SEC14L5: variants seen among roughly 807,000 people sequenced by gnomAD.
SEC14L5 encodes the protein SEC14 like lipid binding 5, also known as SEC14-like protein 5.
Under a neutral mutation model 84.6 loss-of-function variants are expected in SEC14L5, and 96 were observed. The ratio of observed to expected loss-of-function variants is 1.13; its 90% CI spans 0.96 to 1.34. The LOEUF is 1.34. SEC14L5 is among the 40% of genes most tolerant of loss of function. The probability of loss-of-function intolerance (pLI) is 0.00; values close to 1 mark genes in which losing one functional copy is unlikely to be tolerated. For synonymous variants in SEC14L5, 546 were observed against 383.4 expected, an observed-to-expected ratio of 1.42 and a Z score of -4.95; for missense variants, 1,224 against 942.5, an observed-to-expected ratio of 1.30 and a Z score of -3.91.
rs1459787827 is a variant in SEC14L5 at position 4,967,576 on chromosome 16, T to G, written c.63+8190T>G. Among the ~76,000 whole-genome samples, 16 of 133,066 alleles carry G rather than the reference T, an allele frequency of 1.2e-4. No individual in the cohort carries two copies. The Admixed American group carries it at 1.2e-3, about 10-fold the overall frequency. 87.3% of individuals were successfully genotyped at this position (133,066 alleles called of 152,430 possible). On this transcript the variant is annotated intron_variant, in intron 2 of 15. Transcript: ENST00000251170. ...TTCTTTCTTTCGTTTTTTTTTTTTT[T>G]TTTTTTTTTTTTTTTTGACAGAGTG...
intron 2 of SEC14L5, 55 bp downstream of exon 2, chr16:4,959,441 C>G (rs1198981568): frequency 3.5e-6 from 5 of 1,439,882 alleles, no homozygotes; most frequent in Non-Finnish European, 4.9e-6. Context: ...GGCTTGAGAT[C>G]AGCTATGGCG....
chr16:4,966,267 CTTTTTTTTTT>C (rs1019686741), intron 2 of SEC14L5, among the ~76,000 whole-genome samples: 2 of 78,790 alleles, frequency 2.5e-5, no homozygotes, highest in Non-Finnish European at 4.9e-5. Flanking sequence ...CGCCCGGCCT[CTTTTTTTTTT>C]TTTTTTTTTT....
At chr16:4,984,068 T>A (rs1440505358) in intron 2 of SEC14L5, among the ~76,000 whole-genome samples, 2 of 152,146 alleles carry the variant, frequency 1.3e-5, no homozygotes, top group Non-Finnish European at 2.9e-5. Context: ...CATAATTCAG[T>A]GGCTTTCAGT....
At chr16:4,992,181 A>G (rs1237974722) in intron 6 of SEC14L5, among the ~76,000 whole-genome samples, 151 bp downstream of exon 6, 1 of 152,186 alleles carries the variant, frequency 6.6e-6, no homozygotes, top group East Asian at 1.9e-4. Flanking sequence ...TCCTGCCTCC[A>G]CTGAGTGCTT....
intron 2 of SEC14L5, among the ~76,000 whole-genome samples, chr16:4,968,164 T>A (rs1955230144): frequency 1.3e-5 from 2 of 150,904 alleles, no homozygotes; most frequent in Non-Finnish European, 3.0e-5. Flanking sequence ...AGACCACAGG[T>A]GTTCACCACC....
At chr16:5,005,327 A>G (rs1042796323) in intron 11 of SEC14L5, among the ~76,000 whole-genome samples, 1 of 151,822 alleles carries the variant, frequency 6.6e-6, no homozygotes, top group Non-Finnish European at 1.5e-5. Flanking sequence ...AAACAAAAAC[A>G]AAAAAGAAAC....
intron 15 of SEC14L5, among the ~76,000 whole-genome samples, chr16:5,012,104 C>CA (rs1234106177): frequency 6.6e-6 from 1 of 152,162 alleles, no homozygotes; most frequent in East Asian, 1.9e-4. Context: ...GGAGCATGGG[C>CA]ACCCAGAGTG....
intron 5 of SEC14L5, 61 bp from the exon 6 acceptor site, chr16:4,991,776 AT>A: frequency 1.7e-6 from 2 of 1,179,238 alleles, no homozygotes; most frequent in Middle Eastern, 2.0e-4. Context: ...CCCTGTGGTG[AT>A]CCTGTGACCC....
rs761554508 is a variant in SEC14L5, at chr16:5,011,290, G to T, written c.1979+17G>T. 1.0e-5 allele frequency: 16 copies of T among 1,607,278 alleles called. No individual in the cohort carries two copies. The South Asian group carries it at 1.3e-4, about 13-fold the overall frequency. On this transcript the variant is annotated intron_variant, in intron 15 of 15. Coordinates refer to ENST00000251170, the MANE Select transcript of SEC14L5 (RefSeq NM_014692.2). ...GGACTTCAGGTAGGAGGGCTCCGGA[G>T]CGGGGTCCTGGGCAGGAAGGACCCT...
chr16:5,014,946 T>C lies in SEC14L5; in HGVS notation c.2067T>C (p.His689=), dbSNP rs1207401187. Reference sequence around the variant, plus strand: ...CGTCCTCCTCCTCCGGCCAGTCTCATAGCAGCTCCCTGGTCTCCAGATAGC... The same window carrying C: ...CGTCCTCCTCCTCCGGCCAGTCTCACAGCAGCTCCCTGGTCTCCAGATAGC... ...ATSSSSSGQS[H]SSSLVSR Residue 689 remains histidine, a synonymous_variant, in exon 16 of 16, where the codon CAT becomes CAC. Coordinates refer to ENST00000251170, the MANE Select transcript of SEC14L5 (RefSeq NM_014692.2). 6.2e-7 allele frequency: 1 copy of C among 1,611,960 alleles called. No homozygotes were observed. The highest frequency in any genetic ancestry group is 8.5e-7 in the Non-Finnish European group (1 of 1,179,810).
At chr16:4,966,994 G>C (rs1955208374) in intron 2 of SEC14L5, among the ~76,000 whole-genome samples, 1 of 152,230 alleles carries the variant, frequency 6.6e-6, no homozygotes, top group Non-Finnish European at 1.5e-5. Flanking sequence ...CCAGCTCAGA[G>C]GCAGGTCCAT....
chr16:4,999,776 G>A lies in SEC14L5; in HGVS notation c.971-879G>A, dbSNP rs371423163. On this transcript the variant is annotated intron_variant, in intron 8 of 15. Coordinates refer to ENST00000251170, the MANE Select transcript of SEC14L5 (RefSeq NM_014692.2). ...TAAAAATACCAAAAATTAGCCAAGC[G>A]TGGTGGTGCATGCCGGTAGTCCCAG... is the stretch of plus-strand genomic sequence containing the variant. Among the ~76,000 whole-genome samples, 12 of 151,170 alleles carry A rather than the reference G, an allele frequency of 7.9e-5. No individual in the cohort carries two copies. The East Asian group carries it at 1.6e-3, about 20-fold the overall frequency.
chr16:4,972,633 A>C (rs533782064), intron 2 of SEC14L5, among the ~76,000 whole-genome samples: 1 of 152,354 alleles, frequency 6.6e-6, no homozygotes, highest in African/African-American at 2.4e-5. Context: ...AATGTCTTCC[A>C]GGTTCAGCCG....
At chr16:5,004,011 C>G (rs537869948) in intron 11 of SEC14L5, among the ~76,000 whole-genome samples, 68 of 152,400 alleles carry the variant, frequency 4.5e-4, no homozygotes, top group African/African-American at 1.6e-3. Context: ...CCCACACACA[C>G]ACTCCTCTGA....
chr16:5,011,388 C>T (rs1955801828), intron 15 of SEC14L5, 115 bp downstream of exon 15: 1 of 1,053,930 alleles, frequency 9.5e-7, no homozygotes, highest in Non-Finnish European at 1.4e-6. Flanking sequence ...GGTGGGACCC[C>T]AGCATGGGTA....
chr16:4,973,907 C>T (rs1955308541), intron 2 of SEC14L5, among the ~76,000 whole-genome samples: 1 of 152,010 alleles, frequency 6.6e-6, no homozygotes, highest in Non-Finnish European at 1.5e-5. Context: ...TGGTCTTGAA[C>T]TCCTCACCTC....
chr16:4,959,341 G>A lies in SEC14L5; in HGVS notation c.18G>A (p.Gln6=). 1 of 1,613,854 alleles carries A rather than the reference G, an allele frequency of 6.2e-7. No homozygotes were observed. The highest frequency in any genetic ancestry group is 8.5e-7 in the Non-Finnish European group (1 of 1,179,776). The change falls in exon 2 of 16, where the codon CAG becomes CAA. Residue 6 remains glutamine, a synonymous_variant. Coordinates refer to ENST00000251170, the MANE Select transcript of SEC14L5 (RefSeq NM_014692.2). The part of the protein sequence containing the change: MVQRY[Q]SPVRVYKYPF... Reference sequence around the variant, plus strand: ...GCGTGAACATGGTGCAAAGATACCAGTCTCCTGTCCGAGTCTACAAGTACC... The same window carrying A: ...GCGTGAACATGGTGCAAAGATACCAATCTCCTGTCCGAGTCTACAAGTACC...
At chr16:5,000,951 C>A (rs560280980) in intron 10 of SEC14L5, 26 bp downstream of exon 10, 4 of 1,568,782 alleles carry the variant, frequency 2.5e-6, no homozygotes, top group East Asian at 4.6e-5. Context: ...GGGCACAAAT[C>A]CCCCCTAAAC....
intron 14 of SEC14L5, among the ~76,000 whole-genome samples, chr16:5,008,947 C>T (rs183130440): frequency 6.6e-6 from 1 of 152,340 alleles, no homozygotes. Context: ...AATGGGACTT[C>T]TAACAGGATC....
Sources: allele counts gnomAD v4.1 joint callset (sites outside exome capture counted in the v4.1 genomes callset), GRCh38; gene constraint gnomAD v4.1.1; transcripts MANE v1.5; gene names NCBI Gene and HGNC (gene_info 2026-07-23, HGNC 2026-07-21).